The following PHACTR1 variants were observed in gnomAD, a reference collection of about 807,000 sequenced individuals.
The protein encoded by PHACTR1 is RPEL repeat containing 1.
PHACTR1 carries 16 observed loss-of-function variants against 69.2 expected under a neutral mutation model. The observed-to-expected ratio is 0.23, with a 90% CI of 0.16 to 0.35. The LOEUF (loss-of-function observed/expected upper bound fraction) is 0.35, where lower values mean the gene tolerates loss of function less well. Ranked by LOEUF, PHACTR1 falls within the 10% of genes least tolerant of loss-of-function variation. PHACTR1 has a pLI of 1.00. For synonymous variants in PHACTR1, 312 were observed against 284.5 expected (o/e 1.10, Z -0.97); for missense variants, 510 against 734.7 (o/e 0.69, Z 3.54).
At chr6:13,211,221 C>T (rs1047204355) in intron 8 of PHACTR1, among the ~76,000 whole-genome samples, 3 of 152,070 alleles carry the variant, frequency 2.0e-5, no homozygotes, top group Non-Finnish European at 4.4e-5. Flanking sequence ...ACCCATCACC[C>T]GAGCAGTGTA....
intron 4 of PHACTR1, among the ~76,000 whole-genome samples, chr6:12,853,350 A>C (rs1441266439): frequency 6.6e-6 from 1 of 152,196 alleles, no homozygotes; most frequent in East Asian, 1.9e-4. Context: ...GACAGGCAAA[A>C]GAAGCTGATC....
chr6:12,762,571 G>A (rs1051957205), intron 4 of PHACTR1, among the ~76,000 whole-genome samples: 11 of 152,076 alleles, frequency 7.2e-5, no homozygotes, highest in African/African-American at 2.7e-4. Flanking sequence ...TATCACGTAA[G>A]AAGTTCATTT....
chr6:13,140,057 T>C (rs1822194421), intron 5 of PHACTR1, among the ~76,000 whole-genome samples: 1 of 152,218 alleles, frequency 6.6e-6, no homozygotes, highest in Non-Finnish European at 1.5e-5. Context: ...ATTCTCATGA[T>C]CTTCCTCTCT....
intron 10 of PHACTR1, among the ~76,000 whole-genome samples, chr6:13,239,076 G>A (rs550083144): frequency 1.3e-5 from 2 of 152,272 alleles, no homozygotes; most frequent in Admixed American, 6.5e-5. Context: ...GCACAGCTTA[G>A]GGGGCACAGG....
intron 5 of PHACTR1, among the ~76,000 whole-genome samples, chr6:13,153,171 C>T (rs1156603748): frequency 1.3e-5 from 2 of 152,150 alleles, no homozygotes; most frequent in African/African-American, 2.4e-5. Context: ...GGCAAGGCTC[C>T]GAGGTGTCAG....
intron 11 of PHACTR1, chr6:13,273,464 C>T (rs1778184844): frequency 6.5e-6 from 1 of 152,794 alleles, no homozygotes; most frequent in Non-Finnish European, 1.5e-5. Context: ...CCGGGCATGC[C>T]TGTCTGATGC....
At chr6:13,258,093 C>T (rs1056725505) in intron 10 of PHACTR1, among the ~76,000 whole-genome samples, 2 of 152,146 alleles carry the variant, frequency 1.3e-5, no homozygotes, top group South Asian at 2.1e-4. Context: ...AGCAGTGGCT[C>T]ATGCCTGTAA....
At chr6:12,968,067 C>T (rs1012286053) in intron 4 of PHACTR1, among the ~76,000 whole-genome samples, 4 of 152,164 alleles carry the variant, frequency 2.6e-5, no homozygotes, top group African/African-American at 9.7e-5. Flanking sequence ...TATGTGCCCT[C>T]TCCACTCACC....
intron 4 of PHACTR1, among the ~76,000 whole-genome samples, chr6:13,002,662 A>G (rs1036496859): frequency 6.6e-6 from 1 of 152,252 alleles, no homozygotes; most frequent in African/African-American, 2.4e-5. Flanking sequence ...AGTCAACTCT[A>G]AATGAATGTA....
intron 4 of PHACTR1, among the ~76,000 whole-genome samples, chr6:13,032,504 G>C (rs1208441017): frequency 6.6e-6 from 1 of 152,032 alleles, no homozygotes; most frequent in Non-Finnish European, 1.5e-5. Context: ...TTACAGCAGT[G>C]TTTTCTAGAT....
intron 6 of PHACTR1, among the ~76,000 whole-genome samples, chr6:13,177,364 GCTCTCT>G (rs60383041): frequency 1.4e-5 from 2 of 145,906 alleles, no homozygotes; most frequent in African/African-American, 5.1e-5. Flanking sequence ...TCTCTCTTGC[GCTCTCT>G]CTCTCTCTCT....
At chr6:13,042,481 G>A (rs187464929) in intron 4 of PHACTR1, among the ~76,000 whole-genome samples, 9 of 152,300 alleles carry the variant, frequency 5.9e-5, no homozygotes, top group Admixed American at 2.6e-4. Context: ...GAACACTGCC[G>A]TCAAAGTTAC....
At chr6:12,929,782 G>C (rs1582543755) in intron 4 of PHACTR1, among the ~76,000 whole-genome samples, 3 of 152,158 alleles carry the variant, frequency 2.0e-5, no homozygotes, top group Admixed American at 2.0e-4. Context: ...GTTTCTAACT[G>C]ATCAGCCTCT....
chr6:13,209,506 A>C (rs545993085), intron 8 of PHACTR1, among the ~76,000 whole-genome samples: 13 of 152,336 alleles, frequency 8.5e-5, no homozygotes, highest in African/African-American at 2.9e-4. Context: ...AGAATGTCAC[A>C]CCATAGGCCA....
chr6:13,236,942 G>A (rs60507375), intron 10 of PHACTR1, among the ~76,000 whole-genome samples: 2,109 of 152,208 alleles, frequency 0.014, 43 homozygotes, highest in African/African-American at 0.047. Context: ...GAACAGGGGC[G>A]AAATGAAAAG....
intron 4 of PHACTR1, among the ~76,000 whole-genome samples, chr6:12,884,060 A>G (rs909809300): frequency 6.6e-6 from 1 of 152,032 alleles, no homozygotes; most frequent in African/African-American, 2.4e-5. Context: ...ACAGTCACAC[A>G]TGTACCCACA....
intron 4 of PHACTR1, among the ~76,000 whole-genome samples, chr6:13,040,144 A>G (rs1359972193): frequency 1.3e-5 from 2 of 152,200 alleles, no homozygotes; most frequent in African/African-American, 4.8e-5. Flanking sequence ...ATGTATGTAC[A>G]CTAAATGCTT....
At chr6:12,759,319 T>G (rs578084001) in intron 4 of PHACTR1, among the ~76,000 whole-genome samples, 4 of 152,076 alleles carry the variant, frequency 2.6e-5, no homozygotes, top group African/African-American at 9.7e-5. Flanking sequence ...CACTCTAATA[T>G]ATTTTTGTTA....
At chr6:12,961,912 CCTT>C (rs1159650298) in intron 4 of PHACTR1, among the ~76,000 whole-genome samples, 2 of 151,944 alleles carry the variant, frequency 1.3e-5, no homozygotes, top group African/African-American at 4.8e-5. Context: ...GCCTTAGTCT[CCTT>C]CTCTTTTTTT....
Sources: allele counts gnomAD v4.1 joint callset (sites outside exome capture counted in the v4.1 genomes callset), GRCh38; gene constraint gnomAD v4.1.1; transcripts MANE v1.5; gene names NCBI Gene and HGNC (gene_info 2026-07-23, HGNC 2026-07-21).